The following COL22A1 variants were observed in gnomAD, a reference collection of about 807,000 sequenced individuals.
COL22A1 encodes the protein collagen alpha-1(XXII) chain.
Under a neutral mutation model 248.9 loss-of-function variants are expected in COL22A1, and 221 were observed. The ratio of observed to expected loss-of-function variants is 0.89; its 90% CI spans 0.80 to 0.99. The LOEUF (loss-of-function observed/expected upper bound fraction) is 0.99, where lower values mean the gene tolerates loss of function less well. COL22A1 is among the 50% of genes least tolerant of loss of function. The pLI is 0.00. For missense variants in COL22A1, 2,240 were observed against 2,179.0 expected (o/e 1.03, Z -0.56); for synonymous variants, 891 against 793.4 (o/e 1.12, Z -2.07).
rs777935201 is a variant in COL22A1, at chr8:138,688,956, G to T, written c.2823C>A (p.Leu941=). Residue 941 remains leucine (L), a synonymous_variant, in exon 37 of 65, where the codon CTC becomes CTA. Coordinates refer to ENST00000303045, the MANE Select transcript of COL22A1 (RefSeq NM_152888.3). ...GPPGSVGAPG[L]RGTPGKDGER... ...CCCCATCTTTCCCTGGGGTGCCTCTGAGGCCGGGAGCACCCTGTGGCAAGG... is the reference window on the plus strand; with the variant it reads ...CCCCATCTTTCCCTGGGGTGCCTCTTAGGCCGGGAGCACCCTGTGGCAAGG... 3.1e-6 allele frequency: 5 copies of T among 1,613,298 alleles called. No homozygotes were observed. The highest frequency in any genetic ancestry group is 1.7e-5 in the Admixed American group (1 of 60,000).
chr8:138,876,113 C>T (rs1056818183), intron 3 of COL22A1, among the ~76,000 whole-genome samples: 1 of 152,178 alleles, frequency 6.6e-6, no homozygotes, highest in African/African-American at 2.4e-5. Flanking sequence ...ACACAAGGCC[C>T]CCCTTTATGG....
intron 41 of COL22A1, among the ~76,000 whole-genome samples, chr8:138,668,417 C>CGCAT (rs1564169554): frequency 2.0e-5 from 3 of 152,102 alleles, no homozygotes; most frequent in African/African-American, 7.2e-5. Context: ...CACACATGCA[C>CGCAT]ATATATATCA....
chr8:138,636,345 G>C (rs774104322), intron 48 of COL22A1, among the ~76,000 whole-genome samples: 24 of 151,718 alleles, frequency 1.6e-4, no homozygotes, highest in Non-Finnish European at 3.2e-4. Flanking sequence ...AAGCATTTCA[G>C]CTAGCAGCAA....
At position 138,812,044 on chromosome 8, in the gene COL22A1, T is replaced by A. The variant is rs1358884168; in HGVS notation, c.1327-123A>T. 3 of 1,176,426 alleles carry A rather than the reference T, an allele frequency of 2.6e-6. No homozygotes were observed. The African/African-American group carries it at 4.7e-5, about 18-fold the overall frequency. 72.9% of individuals were successfully genotyped at this position (1,176,426 alleles called of 1,614,324 possible). ...CCAAAGGTTGAGAAAACGCTGAGGA[T>A]GTCTCTCCTGAGGCCTTGGGGCAGA... On this transcript the variant is annotated intron_variant, in intron 8 of 64. Coordinates refer to ENST00000303045, the MANE Select transcript of COL22A1 (RefSeq NM_152888.3).
intron 22 of COL22A1, among the ~76,000 whole-genome samples, chr8:138,750,281 C>T (rs887227832): frequency 6.6e-6 from 1 of 152,158 alleles, no homozygotes; most frequent in African/African-American, 2.4e-5. Flanking sequence ...CCCAGTGCAC[C>T]TTCCTGATGC....
At chr8:138,621,506 A>C (rs1237564317) in intron 52 of COL22A1, among the ~76,000 whole-genome samples, 2 of 152,216 alleles carry the variant, frequency 1.3e-5, no homozygotes, top group Non-Finnish European at 2.9e-5. Context: ...GACTGAATGA[A>C]GACCAGTGTC....
intron 46 of COL22A1, 135 bp from the exon 47 acceptor site, chr8:138,646,817 C>T: frequency 1.6e-6 from 1 of 631,676 alleles, no homozygotes; most frequent in Non-Finnish European, 2.7e-6. Flanking sequence ...CTACCCCTGC[C>T]CCTAGCCTGT....
intron 22 of COL22A1, among the ~76,000 whole-genome samples, chr8:138,747,095 G>C (rs1381953872): frequency 6.6e-6 from 1 of 152,168 alleles, no homozygotes; most frequent in African/African-American, 2.4e-5. Flanking sequence ...ATGGTATTAT[G>C]GTTCTGTGTC....
intron 31 of COL22A1, 71 bp downstream of exon 31, chr8:138,703,235 T>C (rs1586507371): frequency 7.5e-7 from 1 of 1,339,916 alleles, no homozygotes; most frequent in East Asian, 2.3e-5. Context: ...GTAGTGGCAG[T>C]TGCTGGAGGG....
chr8:138,875,748 G>C (rs923391765), intron 3 of COL22A1, among the ~76,000 whole-genome samples: 2 of 152,122 alleles, frequency 1.3e-5, no homozygotes, highest in African/African-American at 4.8e-5. Context: ...AACATGCCTT[G>C]AAGCTGTGCC....
chr8:138,691,231 G>T (rs1327485536), intron 35 of COL22A1, among the ~76,000 whole-genome samples: 1 of 152,230 alleles, frequency 6.6e-6, no homozygotes, highest in Non-Finnish European at 1.5e-5. Context: ...CTAAGTGCAT[G>T]AGGAAAAGGA....
intron 22 of COL22A1, among the ~76,000 whole-genome samples, chr8:138,741,365 A>C (rs545093631): frequency 6.6e-6 from 1 of 152,316 alleles, no homozygotes; most frequent in East Asian, 1.9e-4. Flanking sequence ...GAATCAAAGG[A>C]ATTCTCTGTG....
Position 138,669,657 on chromosome 8 carries a change from C to G in COL22A1, c.3151-5917G>C, listed in dbSNP as rs575675518. On this transcript the variant is annotated intron_variant, in intron 41 of 64. Coordinates refer to ENST00000303045, the MANE Select transcript of COL22A1 (RefSeq NM_152888.3). ...CCTCTCTGAGCCTGAGTCTCCTCAT[C>G]TGAAACCTGGAGACAGTAATAGTTA... Among the ~76,000 whole-genome samples the G allele has an allele frequency of 1.5e-4, 23 of 152,316 alleles. 1 individual carries two copies. In the South Asian group the frequency reaches 2.9e-3, roughly 19 times the overall value.
chr8:138,677,065 G>C (rs4545144), intron 40 of COL22A1, among the ~76,000 whole-genome samples: 2 of 152,114 alleles, frequency 1.3e-5, no homozygotes, highest in Non-Finnish European at 2.9e-5. Flanking sequence ...CCAATAATTT[G>C]CCAAGTACCT....
In COL22A1 at chr8:138,802,854, G is replaced by A. The variant is rs1563781155; in HGVS notation, c.1557+18C>T. On this transcript the variant is annotated intron_variant, in intron 11 of 64. Coordinates refer to ENST00000303045, the MANE Select transcript of COL22A1 (RefSeq NM_152888.3). Reference sequence around the variant, plus strand: ...CGCCCTGAGGTTCAGCCATGTAGAGGAGCAGCCATCTACTCACCACATCAC... The same window carrying A: ...CGCCCTGAGGTTCAGCCATGTAGAGAAGCAGCCATCTACTCACCACATCAC... The A allele has an allele frequency of 6.2e-7, 1 of 1,608,044 alleles. No homozygotes were observed. Among genetic ancestry groups the A allele is most frequent in the Non-Finnish European group, 8.5e-7 (1 of 1,174,520 alleles).
chr8:138,853,598 G>A (rs866279358), intron 3 of COL22A1, among the ~76,000 whole-genome samples: 5 of 152,178 alleles, frequency 3.3e-5, no homozygotes, highest in African/African-American at 1.2e-4. Context: ...TGGACTGATT[G>A]TTACCTGGTT....
At chr8:138,896,383 T>C (rs908327589) in intron 1 of COL22A1, among the ~76,000 whole-genome samples, 4 of 152,172 alleles carry the variant, frequency 2.6e-5, no homozygotes, top group Non-Finnish European at 5.9e-5. Flanking sequence ...AAGTAAGGTT[T>C]CTACACTAAA....
At chr8:138,753,164 C>G (rs1832741770) in intron 21 of COL22A1, among the ~76,000 whole-genome samples, 1 of 152,226 alleles carries the variant, frequency 6.6e-6, no homozygotes, top group South Asian at 2.1e-4. Flanking sequence ...GACCCTATTT[C>G]TGTAGCTCAT....
rs868488572 is a variant in COL22A1, at chr8:138,598,662, T to G, written c.4365+57A>C. 3 of 1,515,798 alleles carry G rather than the reference T, an allele frequency of 2.0e-6. No homozygotes were observed. The South Asian group carries it at 3.7e-5, about 19-fold the overall frequency. The allele number at this position is 1,515,798 out of a possible 1,614,324, so 93.9% of individuals were successfully genotyped here. On this transcript the variant is annotated intron_variant, in intron 61 of 64. Coordinates refer to ENST00000303045, the MANE Select transcript of COL22A1 (RefSeq NM_152888.3). Reference sequence around the variant, plus strand: ...TGCCTCTGAAGTCCACACACTTCCCTGGCTCCCCCTTAGGCCCCGAGGAGC... The same window carrying G: ...TGCCTCTGAAGTCCACACACTTCCCGGGCTCCCCCTTAGGCCCCGAGGAGC...
Sources: gnomAD v4.1 joint callset for allele counts (sites outside exome capture counted in the v4.1 genomes callset) on GRCh38, gnomAD v4.1.1 for gene constraint, MANE v1.5 for transcripts, NCBI Gene and HGNC (gene_info 2026-07-23, HGNC 2026-07-21) for gene names.